The following CEP89 variants were observed in gnomAD, a reference collection of about 807,000 sequenced individuals.
The protein encoded by CEP89 is centrosomal protein of 89 kDa.
CEP89 carries 95 observed loss-of-function variants against 97.6 expected under a neutral mutation model. The ratio of observed to expected loss-of-function variants is 0.97; its 90% CI spans 0.82 to 1.15. The LOEUF is 1.15. Ranked by LOEUF, CEP89 falls within the 50% of genes most tolerant of loss-of-function variation. The pLI, the probability that CEP89 is intolerant of heterozygous loss-of-function variation, is 0.00. For missense variants in CEP89, 869 were observed against 947.7 expected (o/e 0.92, Z 1.09); for synonymous variants, 354 against 349.1 (o/e 1.01, Z -0.16).
At chr19:32,926,403 C>T (rs3813151) in intron 10 of CEP89, 130 bp from the exon 11 acceptor site, 15 of 691,886 alleles carry the variant, frequency 2.2e-5, no homozygotes, top group East Asian at 2.0e-4. Flanking sequence ...TGTTTTTTAA[C>T]GACTCTCCCA....
rs1169485245 is a variant in CEP89, at chr19:32,879,279, C to A, written c.2235G>T (p.Val745=). The A allele has an allele frequency of 6.2e-7, 1 of 1,614,268 alleles. No individual in the cohort carries two copies. Among genetic ancestry groups the A allele is most frequent in the East Asian group, 2.2e-5 (1 of 44,886 alleles). Residue 745 remains valine, a synonymous_variant, in exon 19 of 19, where the codon GTG becomes GTT. Coordinates refer to ENST00000305768, the MANE Select transcript of CEP89 (RefSeq NM_032816.5). ...CAACCAGAGCTCTGGGGTTGTCCTG[C>A]ACGCCTGTCCTCGTGAGTGTGTCCT... ...LLQDTLTRTG[V]QDNPRALVAP...
intron 3 of CEP89, 38 bp from the exon 4 acceptor site, chr19:32,953,839 T>G: frequency 7.4e-7 from 1 of 1,360,276 alleles, no homozygotes; most frequent in Non-Finnish European, 1.0e-6. Context: ...AAACAAAAAG[T>G]CACTTAACAC....
intron 16 of CEP89, among the ~76,000 whole-genome samples, chr19:32,890,430 T>G (rs1487042822): frequency 1.3e-5 from 2 of 151,896 alleles, no homozygotes; most frequent in African/African-American, 4.8e-5. Flanking sequence ...AACAAAAACC[T>G]GTTTTCAGGA....
intron 17 of CEP89, 35 bp from the exon 18 acceptor site, chr19:32,882,048 G>A (rs374399528): frequency 1.6e-5 from 24 of 1,537,558 alleles, no homozygotes; most frequent in South Asian, 4.8e-5. Flanking sequence ...ATGAGGGGAC[G>A]CTGCCAGGCC....
In CEP89 at chr19:32,901,996, GTCTCTC is replaced by G. The variant is rs149379505; in HGVS notation, c.1566-590_1566-585del. 4.4e-4 allele frequency among the ~76,000 whole-genome samples: 62 copies of G among 141,702 alleles called. 5 individuals are homozygous for G. Among genetic ancestry groups the G allele is most frequent in the East Asian group, 1.3e-3 (6 of 4,728 alleles). 93.0% of individuals were successfully genotyped at this position (141,702 alleles called of 152,430 possible). A position where few individuals can be genotyped will look rare whatever the true frequency, so the allele number is the denominator to read the frequency against. On this transcript the variant is annotated intron_variant, in intron 14 of 18. Transcript: ENST00000305768. ...TTTTGGCTTATGTCTCTGTCTCTCT[GTCTCTC>G]TCTCTCTCTGTGTGTGTGTGTGTGT...
chr19:32,939,273 T>C (rs1332652583), intron 6 of CEP89, among the ~76,000 whole-genome samples: 1 of 152,044 alleles, frequency 6.6e-6, no homozygotes, highest in Non-Finnish European at 1.5e-5. Context: ...TAACAAAAGA[T>C]AAAATTGTCT....
chr19:32,904,488 C>T (rs1969848355), intron 14 of CEP89, among the ~76,000 whole-genome samples: 1 of 152,120 alleles, frequency 6.6e-6, no homozygotes, highest in Non-Finnish European at 1.5e-5. Context: ...CTTTCCACAT[C>T]TATTTGTGAA....
chr19:32,905,599 T>C (rs1446357550), intron 14 of CEP89, among the ~76,000 whole-genome samples: 1 of 152,228 alleles, frequency 6.6e-6, no homozygotes, highest in Non-Finnish European at 1.5e-5. Flanking sequence ...GACTATTTCA[T>C]CTAAATTTTC....
intron 1 of CEP89, among the ~76,000 whole-genome samples, chr19:32,966,808 C>T (rs963234719): frequency 6.6e-6 from 1 of 152,134 alleles, no homozygotes; most frequent in Non-Finnish European, 1.5e-5. Context: ...CAGAGCAGGG[C>T]GACTTCCTGA....
rs761065206 is a variant in CEP89, at chr19:32,918,218, C to T, written c.1384+6G>A. 3.4e-5 allele frequency: 54 copies of T among 1,602,142 alleles called. No individual in the cohort carries two copies. The highest frequency in any genetic ancestry group is 4.4e-5 in the Non-Finnish European group (51 of 1,169,154). ...GCATGACCAGTCCTCACTGGAAGGA[C>T]CTCACCTTCTTGGAGGCGCTCCTGG... is the stretch of plus-strand genomic sequence containing the variant. On this transcript the variant is annotated splice_donor_region_variant and intron_variant, in intron 13 of 18. Coordinates refer to ENST00000305768, the MANE Select transcript of CEP89 (RefSeq NM_032816.5).
At chr19:32,927,157 C>CATCT (rs886285476) in intron 9 of CEP89, among the ~76,000 whole-genome samples, 173 bp from the exon 10 acceptor site, 1 of 151,662 alleles carries the variant, frequency 6.6e-6, no homozygotes, top group African/African-American at 2.4e-5. Context: ...TCCATCCATC[C>CATCT]ATCCATCTAT....
At chr19:32,896,134 G>C (rs1338693544) in intron 16 of CEP89, among the ~76,000 whole-genome samples, 1 of 152,074 alleles carries the variant, frequency 6.6e-6, no homozygotes, top group East Asian at 1.9e-4. Context: ...TATACATATG[G>C]AACCAAAAAG....
At chr19:32,946,751 C>T (rs1361307484) in intron 5 of CEP89, among the ~76,000 whole-genome samples, 1 of 152,102 alleles carries the variant, frequency 6.6e-6, no homozygotes, top group African/African-American at 2.4e-5. Flanking sequence ...TCTTGGTTCT[C>T]ATTCTCTCTT....
At chr19:32,890,795 C>A (rs1246629978) in intron 16 of CEP89, among the ~76,000 whole-genome samples, 5 of 152,142 alleles carry the variant, frequency 3.3e-5, no homozygotes. Flanking sequence ...GACCCCACTG[C>A]TCCAGAGCGG....
At chr19:32,931,650 G>A (rs747965757) in intron 8 of CEP89, 79 bp from the exon 9 acceptor site, 40 of 1,200,468 alleles carry the variant, frequency 3.3e-5, no homozygotes, top group Non-Finnish European at 4.5e-5. Flanking sequence ...CAAATCGTTT[G>A]CTTTTCTCCC....
At chr19:32,939,994 G>C in intron 5 of CEP89, 109 bp from the exon 6 acceptor site, 1 of 562,982 alleles carries the variant, frequency 1.8e-6, no homozygotes, top group South Asian at 1.9e-5. Context: ...GCTCGACAAG[G>C]CCCAGAACAG....
chr19:32,951,566 C>T (rs183275237), intron 4 of CEP89, among the ~76,000 whole-genome samples: 1 of 150,486 alleles, frequency 6.6e-6, no homozygotes, highest in African/African-American at 2.5e-5. Flanking sequence ...CACACACACA[C>T]GCACACTACT....
chr19:32,968,300 G>A lies in CEP89; in HGVS notation c.40-1834C>T, dbSNP rs1290634318. Among the ~76,000 whole-genome samples the A allele has an allele frequency of 3.9e-5, 6 of 152,222 alleles. No homozygotes were observed. In the East Asian group the frequency reaches 1.2e-3, roughly 29 times the overall value. On this transcript the variant is annotated intron_variant, in intron 1 of 18. Coordinates refer to ENST00000305768, the MANE Select transcript of CEP89 (RefSeq NM_032816.5). ...AGTCTTGTCTGTCACCCAGGCTGGA[G>A]TGCGGTGGCACGATCTTGGCTCACT...
At chr19:32,906,948 C>T (rs780131244) in intron 14 of CEP89, among the ~76,000 whole-genome samples, 2 of 152,166 alleles carry the variant, frequency 1.3e-5, no homozygotes, top group African/African-American at 2.4e-5. Context: ...ATCCTCCCGC[C>T]CTGGCCTCCC....
Sources: allele counts gnomAD v4.1 joint callset (sites outside exome capture counted in the v4.1 genomes callset), GRCh38; gene constraint gnomAD v4.1.1; transcripts MANE v1.5; gene names NCBI Gene and HGNC (gene_info 2026-07-23, HGNC 2026-07-21).